Variants in FOXP1 observed in about 807,000 individuals in gnomAD.
FOXP1 encodes the protein forkhead box protein P1.
FOXP1 carries 15 observed loss-of-function variants against 98.2 expected under a neutral mutation model. That is an observed-to-expected ratio of 0.15 (90% CI 0.10 to 0.24). The LOEUF (loss-of-function observed/expected upper bound fraction) is 0.24, where lower values mean the gene tolerates loss of function less well. Ranked by LOEUF, FOXP1 falls within the 10% of genes least tolerant of loss-of-function variation. The pLI, the probability that FOXP1 is intolerant of heterozygous loss-of-function variation, is 1.00. For missense variants in FOXP1, 633 were observed against 848.5 expected (o/e 0.75, Z 3.15); for synonymous variants, 371 against 314.5 (o/e 1.18, Z -1.90).
At chr3:71,135,439 C>G (rs1375675961) in intron 6 of FOXP1, among the ~76,000 whole-genome samples, 1 of 151,930 alleles carries the variant, frequency 6.6e-6, no homozygotes, top group Non-Finnish European at 1.5e-5. Flanking sequence ...AGGCCCCTAC[C>G]CCCTACTCCC....
chr3:71,278,366 A>C (rs913370080), intron 5 of FOXP1, among the ~76,000 whole-genome samples: 1 of 152,208 alleles, frequency 6.6e-6, no homozygotes, highest in Non-Finnish European at 1.5e-5. Context: ...GAAGCACTGG[A>C]CAGTAGGCTA....
intron 11 of FOXP1, among the ~76,000 whole-genome samples, chr3:71,030,517 C>T (rs1186587002): frequency 1.3e-5 from 2 of 152,186 alleles, no homozygotes; most frequent in African/African-American, 2.4e-5. Flanking sequence ...TTTGTTTGTT[C>T]TATTTCCCTT....
chr3:70,970,864 CTAAGT>C, intron 18 of FOXP1, 59 bp from the exon 19 acceptor site: 1 of 1,366,592 alleles, frequency 7.3e-7, no homozygotes, highest in Non-Finnish European at 1.0e-6. Flanking sequence ...GAGTTCCTAG[CTAAGT>C]TTTGTTTTAA....
At chr3:71,014,989 CGTG>C (rs2044232013) in intron 12 of FOXP1, among the ~76,000 whole-genome samples, 1 of 128,570 alleles carries the variant, frequency 7.8e-6, no homozygotes, top group South Asian at 2.8e-4. Flanking sequence ...CAGGGCCTGT[CGTG>C]GGGTGGGGGG....
At chr3:71,098,604 T>C (rs2107650244) in intron 7 of FOXP1, among the ~76,000 whole-genome samples, 1 of 152,308 alleles carries the variant, frequency 6.6e-6, no homozygotes, top group East Asian at 1.9e-4. Flanking sequence ...CAATTTTCCT[T>C]TCTTTTTGGC....
intron 4 of FOXP1, among the ~76,000 whole-genome samples, chr3:71,354,484 C>T (rs545751560): frequency 1.3e-5 from 2 of 152,320 alleles, no homozygotes; most frequent in South Asian, 2.1e-4. Context: ...GCCATTGCAG[C>T]GCTTGAGGTT....
Position 70,957,012 on chromosome 3 carries a change from T to TAAAC in FOXP1, c.*2231_*2234dup. 4.5e-6 allele frequency: 1 copy of TAAAC among 222,132 alleles called. No homozygotes were observed. The allele number at this position is 222,132 out of a possible 1,614,324, so 13.8% of individuals were successfully genotyped here. ...AATACAGTGATCACAGCACAGTTCT[T>TAAAC]AAACAAAAGTGGCATACAATCTAAA... On this transcript the variant is annotated 3_prime_UTR_variant, in exon 21 of 21. Transcript: ENST00000649528.
intron 3 of FOXP1, among the ~76,000 whole-genome samples, chr3:71,441,026 T>C (rs2085886756): frequency 6.6e-6 from 1 of 152,234 alleles, no homozygotes; most frequent in Non-Finnish European, 1.5e-5. Context: ...TCAGCTATGA[T>C]AGTACTTCAG....
chr3:71,544,130 C>T (rs190223845), intron 2 of FOXP1, among the ~76,000 whole-genome samples: 6 of 150,658 alleles, frequency 4.0e-5, no homozygotes, highest in African/African-American at 9.7e-5. Flanking sequence ...AAATCAGAGC[C>T]GAATACATAC....
chr3:70,976,745 T>A (rs1468597108), intron 17 of FOXP1, among the ~76,000 whole-genome samples, 196 bp downstream of exon 17: 7 of 152,232 alleles, frequency 4.6e-5, no homozygotes, highest in Non-Finnish European at 8.8e-5. Context: ...GATGCTGGTA[T>A]AATGGGAGTC....
chr3:71,297,994 C>A (rs1398536317), intron 5 of FOXP1, among the ~76,000 whole-genome samples: 1 of 152,140 alleles, frequency 6.6e-6, no homozygotes, highest in Non-Finnish European at 1.5e-5. Flanking sequence ...GCATGAGGAG[C>A]ATCTTGGATT....
At chr3:71,060,136 A>T (rs909900080) in intron 7 of FOXP1, among the ~76,000 whole-genome samples, 1 of 152,024 alleles carries the variant, frequency 6.6e-6, no homozygotes, top group Admixed American at 6.5e-5. Flanking sequence ...TTTTTTTCCC[A>T]TATTACTGAA....
chr3:71,316,006 C>T (rs2075052807), intron 4 of FOXP1, among the ~76,000 whole-genome samples: 1 of 152,088 alleles, frequency 6.6e-6, no homozygotes, highest in Admixed American at 6.6e-5. Flanking sequence ...TCCACACTTC[C>T]GTTAAGAGGC....
chr3:71,095,988 G>C (rs1285797276), intron 7 of FOXP1, among the ~76,000 whole-genome samples: 1 of 152,108 alleles, frequency 6.6e-6, no homozygotes, highest in Non-Finnish European at 1.5e-5. Context: ...AGATTAACAG[G>C]GTGGGTGGCC....
chr3:71,155,965 T>C (rs546288780), intron 6 of FOXP1, among the ~76,000 whole-genome samples: 1 of 152,338 alleles, frequency 6.6e-6, no homozygotes, highest in Non-Finnish European at 1.5e-5. Flanking sequence ...AGCCCTTATT[T>C]GCTAAATAAA....
intron 3 of FOXP1, among the ~76,000 whole-genome samples, chr3:71,401,813 A>G (rs1156473289): frequency 6.6e-6 from 1 of 152,224 alleles, no homozygotes; most frequent in Non-Finnish European, 1.5e-5. Context: ...TCAAACAGAC[A>G]AAGTGAATGG....
At chr3:71,168,327 T>C (rs1323527782) in intron 6 of FOXP1, among the ~76,000 whole-genome samples, 4 of 152,132 alleles carry the variant, frequency 2.6e-5, no homozygotes, top group Non-Finnish European at 5.9e-5. Context: ...CAAAGTCAGC[T>C]ATCACATCAT....
At chr3:71,060,661 A>G (rs1360021563) in intron 7 of FOXP1, among the ~76,000 whole-genome samples, 1 of 152,196 alleles carries the variant, frequency 6.6e-6, no homozygotes, top group Non-Finnish European at 1.5e-5. Flanking sequence ...TTGTTTTGTC[A>G]AGACATCAAA....
chr3:71,011,673 CGTCTTACA>C (rs2043657072), intron 12 of FOXP1, among the ~76,000 whole-genome samples: 1 of 152,082 alleles, frequency 6.6e-6, no homozygotes, highest in Admixed American at 6.6e-5. Flanking sequence ...AAACAAAAGT[CGTCTTACA>C]AATATAAGTC....
Sources: allele counts gnomAD v4.1 joint callset (sites outside exome capture counted in the v4.1 genomes callset), GRCh38; gene constraint gnomAD v4.1.1; transcripts MANE v1.5; gene names NCBI Gene and HGNC (gene_info 2026-07-23, HGNC 2026-07-21).